The following IRAK1BP1 variants were observed in gnomAD, a reference collection of about 807,000 sequenced individuals.
The protein encoded by IRAK1BP1 is interleukin-1 receptor-associated kinase 1-binding protein 1.
IRAK1BP1 carries 24 observed loss-of-function variants against 28.0 expected under a neutral mutation model. That is an observed-to-expected ratio of 0.86 (90% CI 0.62 to 1.20). The LOEUF (loss-of-function observed/expected upper bound fraction) is 1.20, where lower values mean the gene tolerates loss of function less well. Ranked by LOEUF, IRAK1BP1 falls within the 50% of genes most tolerant of loss-of-function variation. The probability of loss-of-function intolerance (pLI) is 0.00; values close to 1 mark genes in which losing one functional copy is unlikely to be tolerated. For missense variants in IRAK1BP1, 336 were observed against 316.7 expected (o/e 1.06, Z -0.46); for synonymous variants, 131 against 116.3 (o/e 1.13, Z -0.81).
At chr6:78,930,905 T>C (rs1395357983) in intron 4 of IRAK1BP1, among the ~76,000 whole-genome samples, 1 of 151,894 alleles carries the variant, frequency 6.6e-6, no homozygotes, top group Non-Finnish European at 1.5e-5. Context: ...CACTCCAGCC[T>C]GGGCAACAGA....
At chr6:78,869,980 A>G (rs964836967) in intron 1 of IRAK1BP1, among the ~76,000 whole-genome samples, 1 of 151,964 alleles carries the variant, frequency 6.6e-6, no homozygotes, top group African/African-American at 2.4e-5. Context: ...ATGGTGGTGC[A>G]TGCCTGTAAT....
chr6:78,977,556 T>C, the IRAK1BP1 span, among the ~76,000 whole-genome samples: 2 of 150,236 alleles, frequency 1.3e-5, no homozygotes, highest in South Asian at 4.4e-4. Context: ...TGTCTGGAAC[T>C]TTAAATGATG....
chr6:78,927,408 A>T (rs138007556), intron 4 of IRAK1BP1, among the ~76,000 whole-genome samples: 1 of 152,110 alleles, frequency 6.6e-6, no homozygotes, highest in African/African-American at 2.4e-5. Context: ...TGTTTTTCCT[A>T]TAAAGGTGTT....
the IRAK1BP1 span, among the ~76,000 whole-genome samples, chr6:78,960,991 T>C: frequency 6.6e-6 from 1 of 152,150 alleles, no homozygotes; most frequent in African/African-American, 2.4e-5. Flanking sequence ...GTTGGACTGC[T>C]AAGCAAAGGT....
chr6:78,911,854 A>C (rs2127661994), intron 4 of IRAK1BP1, among the ~76,000 whole-genome samples: 1 of 152,302 alleles, frequency 6.6e-6, no homozygotes, highest in South Asian at 2.1e-4. Flanking sequence ...GTCAATCTAC[A>C]TGGCCAGGAT....
At chr6:78,885,802 T>C (rs1771411027) in intron 2 of IRAK1BP1, among the ~76,000 whole-genome samples, 1 of 152,192 alleles carries the variant, frequency 6.6e-6, no homozygotes, top group African/African-American at 2.4e-5. Flanking sequence ...CAACATTCTT[T>C]TGTTTTTCAG....
At chr6:78,883,902 TC>T (rs1484814748) in intron 1 of IRAK1BP1, among the ~76,000 whole-genome samples, 1 of 152,166 alleles carries the variant, frequency 6.6e-6, no homozygotes, top group Non-Finnish European at 1.5e-5. Context: ...TGTAGCTGTC[TC>T]GGTTATCAGA....
intron 4 of IRAK1BP1, among the ~76,000 whole-genome samples, chr6:78,923,709 A>G (rs1468070680): frequency 2.0e-5 from 3 of 152,210 alleles, no homozygotes; most frequent in African/African-American, 7.2e-5. Flanking sequence ...AGAAATTATA[A>G]CAAACTGTGT....
chr6:78,966,193 A>G, the IRAK1BP1 span: 1 of 601,386 alleles, frequency 1.7e-6, no homozygotes, highest in East Asian at 2.8e-5. Context: ...AACTCCAAAA[A>G]TAAGTAAGTA....
At chr6:78,941,829 C>A (rs962202888) in intron 4 of IRAK1BP1, among the ~76,000 whole-genome samples, 1 of 152,080 alleles carries the variant, frequency 6.6e-6, no homozygotes, top group Non-Finnish European at 1.5e-5. Context: ...TGTGTGCCAC[C>A]ATTATCATGA....
chr6:78,906,780 G>A (rs1385952683), downstream of IRAK1BP1, among the ~76,000 whole-genome samples: 3 of 152,032 alleles, frequency 2.0e-5, no homozygotes. Flanking sequence ...TTTATTCCAG[G>A]ACTTCACCTT....
chr6:78,975,477 T>C, the IRAK1BP1 span, among the ~76,000 whole-genome samples: 20 of 152,018 alleles, frequency 1.3e-4, no homozygotes, highest in South Asian at 2.1e-4. Flanking sequence ...ACAGGGATGC[T>C]CTCTCTCACC....
In IRAK1BP1 at chr6:78,879,933, A is replaced by G. The variant is rs1385675610; in HGVS notation, c.316-5445A>G. ...ACCTTTAAGTAGAAGCAAAAAGTAC[A>G]TATTGAGTCTGAAATGGGGAAGGTA... On this transcript the variant is annotated intron_variant, in intron 1 of 3. Transcript: ENST00000369940. Among the ~76,000 whole-genome samples the G allele has an allele frequency of 2.0e-5, 3 of 152,208 alleles. No homozygotes were observed. In the East Asian group the frequency reaches 5.8e-4, roughly 29 times the overall value.
the IRAK1BP1 span, chr6:78,961,583 T>C: frequency 3.0e-5 from 30 of 1,010,676 alleles, no homozygotes; most frequent in South Asian, 3.0e-4. Context: ...CATAATCTTA[T>C]GTGCATTCCT....
In IRAK1BP1 at chr6:78,868,548, G is replaced by A. The variant is rs558321031; in HGVS notation, c.315+657G>A. Among the ~76,000 whole-genome samples the A allele has an allele frequency of 2.7e-4, 41 of 152,256 alleles. No homozygotes were observed. The South Asian group carries it at 8.5e-3, about 32-fold the overall frequency. ...ACGAAATACTTCTACTTACTTAACG[G>A]AGATGTCCATGAGACAAATCACTAA... is the stretch of plus-strand genomic sequence containing the variant. On this transcript the variant is annotated intron_variant, in intron 1 of 3. Coordinates refer to ENST00000369940, the MANE Select transcript of IRAK1BP1 (RefSeq NM_001010844.4).
intron 4 of IRAK1BP1, among the ~76,000 whole-genome samples, chr6:78,918,114 A>G (rs182284172): frequency 6.6e-6 from 1 of 152,228 alleles, no homozygotes; most frequent in East Asian, 1.9e-4. Context: ...CCTAGCCAAC[A>G]TAGAGGGATC....
intron 2 of IRAK1BP1, among the ~76,000 whole-genome samples, chr6:78,889,278 G>A (rs1771544089): frequency 6.6e-6 from 1 of 151,906 alleles, no homozygotes; most frequent in Admixed American, 6.6e-5. Context: ...TTAAACTCAA[G>A]ATGGGTTAAA....
chr6:78,967,192 T>C, the IRAK1BP1 span, among the ~76,000 whole-genome samples: 1 of 152,192 alleles, frequency 6.6e-6, no homozygotes, highest in African/African-American at 2.4e-5. Flanking sequence ...TAAAAGAATA[T>C]GATAAAAAAG....
At chr6:78,926,386 G>A (rs1048960632) in intron 4 of IRAK1BP1, among the ~76,000 whole-genome samples, 4 of 152,020 alleles carry the variant, frequency 2.6e-5, no homozygotes, top group Admixed American at 2.6e-4. Context: ...TCACGGCACT[G>A]TTTGTTTTAA....
Sources: gnomAD v4.1 joint callset for allele counts (sites outside exome capture counted in the v4.1 genomes callset) on GRCh38, gnomAD v4.1.1 for gene constraint, MANE v1.5 for transcripts, NCBI Gene and HGNC (gene_info 2026-07-23, HGNC 2026-07-21) for gene names.